The following PCDHGA4 variants were observed in gnomAD, a reference collection of about 807,000 sequenced individuals.
PCDHGA4 encodes protocadherin gamma-A4.
Under a neutral mutation model 54.6 loss-of-function variants are expected in PCDHGA4, and 38 were observed. The ratio of observed to expected loss-of-function variants is 0.70; its 90% CI spans 0.54 to 0.91. The LOEUF is 0.91. Ranked by LOEUF, PCDHGA4 falls within the 40% of genes least tolerant of loss-of-function variation. The pLI is 0.00. For missense variants in PCDHGA4, 1,298 were observed against 1,220.9 expected (o/e 1.06, Z -0.94); for synonymous variants, 511 against 512.9 (o/e 1.00, Z 0.05).
At chr5:141,392,864 C>T (rs1328545217) in intron 1 of PCDHGA4, 2 of 1,612,536 alleles carry the variant, frequency 1.2e-6, no homozygotes, top group Non-Finnish European at 1.7e-6. Context: ...TCCTGCTGTG[C>T]GCGCTGCTGG....
chr5:141,416,101 C>CT (rs34144584), intron 1 of PCDHGA4: 1 of 158,972 alleles, frequency 6.3e-6, no homozygotes, highest in Non-Finnish European at 1.4e-5. Context: ...GGCAATAGGC[C>CT]TTTTTCAAAC....
Position 141,432,136 on chromosome 5 carries a change from T to C in PCDHGA4, c.2515-62671T>C, listed in dbSNP as rs766026174. 2 of 1,613,960 alleles carry C rather than the reference T, an allele frequency of 1.2e-6. No individual in the cohort carries two copies. The highest frequency in any genetic ancestry group is 1.7e-5 in the Admixed American group (1 of 59,996). On this transcript the variant is annotated intron_variant, in intron 1 of 3. Transcript: ENST00000571252. The surrounding 1 kb of genome is among the most constrained non-coding windows in gnomAD (Gnocchi z 6.0). ...TCTTCCCTCAGGCCTCCTATTCCGC[T>C]TATATCCCAGAGAACAATCCCAGAG...
At chr5:141,383,700 C>T (rs753632881) in intron 1 of PCDHGA4, 1 of 1,613,936 alleles carries the variant, frequency 6.2e-7, no homozygotes, top group East Asian at 2.2e-5. Flanking sequence ...TACATGCTAT[C>T]GACCTGGACG....
intron 1 of PCDHGA4, among the ~76,000 whole-genome samples, chr5:141,450,335 T>A (rs1054670037): frequency 1.3e-5 from 2 of 152,158 alleles, no homozygotes; most frequent in African/African-American, 4.8e-5. Context: ...CTCTTTAATC[T>A]ACTTTAATCT....
chr5:141,386,918 A>G (rs758924740), intron 1 of PCDHGA4, among the ~76,000 whole-genome samples: 8 of 152,206 alleles, frequency 5.3e-5, no homozygotes, highest in Non-Finnish European at 1.2e-4. Context: ...CAAGGAATGT[A>G]AAATAAGTGC....
rs748951693 is a variant in PCDHGA4, at chr5:141,365,805, C to T, written c.2514+8184C>T. The T allele has an allele frequency of 3.1e-6, 5 of 1,613,942 alleles. No homozygotes were observed. The South Asian group carries it at 5.5e-5, about 18-fold the overall frequency. On this transcript the variant is annotated intron_variant, in intron 1 of 3. Coordinates refer to ENST00000571252, the MANE Select transcript of PCDHGA4 (RefSeq NM_018917.4). ...AACGCTCGAGTCACCTACTCCCTGG[C>T]TGAAGACACATTTCAGGGGGCGCCC...
intron 1 of PCDHGA4, chr5:141,391,723 C>CT (rs1366104842): frequency 6.6e-6 from 1 of 152,126 alleles, no homozygotes; most frequent in African/African-American, 2.4e-5. Flanking sequence ...GGGAAACAGA[C>CT]TTTTTTGTAG....
At chr5:141,376,660 T>G in intron 1 of PCDHGA4, 2 of 886,650 alleles carry the variant, frequency 2.3e-6, no homozygotes, top group South Asian at 3.6e-5. Flanking sequence ...GACTCCCTTG[T>G]TCAGGTGAGG....
At chr5:141,463,401 A>T (rs57406832) in intron 1 of PCDHGA4, among the ~76,000 whole-genome samples, 25,027 of 149,108 alleles carry the variant, frequency 0.17, 2,158 homozygotes, top group South Asian at 0.22. Context: ...GGCAAAAAAA[A>T]TGGAGATCCT....
chr5:141,370,737 A>T, intron 1 of PCDHGA4: 2 of 1,613,928 alleles, frequency 1.2e-6, no homozygotes, highest in Non-Finnish European at 1.7e-6. Flanking sequence ...AAAGCCTTTA[A>T]ACTTTTTTCA....
At chr5:141,360,700 C>A (rs532971055) in intron 1 of PCDHGA4, 1 of 1,613,796 alleles carries the variant, frequency 6.2e-7, no homozygotes, top group South Asian at 1.1e-5. Flanking sequence ...TCCAGATGGT[C>A]GTAAATATCC....
intron 1 of PCDHGA4, chr5:141,360,586 A>G (rs1761662791): frequency 6.2e-7 from 1 of 1,613,974 alleles, no homozygotes; most frequent in Admixed American, 1.7e-5. Flanking sequence ...GCCAGGTACA[A>G]CATTTCCACT....
chr5:141,498,713 C>T (rs1216279302), intron 2 of PCDHGA4, among the ~76,000 whole-genome samples: 1 of 152,148 alleles, frequency 6.6e-6, no homozygotes, highest in East Asian at 1.9e-4. Flanking sequence ...GGGTGGATCA[C>T]CTGAGGTCAG....
At chr5:141,441,615 G>A in intron 1 of PCDHGA4, 1 of 219,248 alleles carries the variant, frequency 4.6e-6, no homozygotes, top group Non-Finnish European at 9.2e-6. Context: ...TTCCATCGTG[G>A]CCAGTGACCT....
intron 1 of PCDHGA4, chr5:141,376,159 C>G: frequency 6.2e-7 from 1 of 1,614,084 alleles, no homozygotes; most frequent in Non-Finnish European, 8.5e-7. Context: ...TCACTCTGTA[C>G]CTGGTGGTGG....
chr5:141,448,705 C>T (rs2098601893), intron 1 of PCDHGA4, among the ~76,000 whole-genome samples: 1 of 152,100 alleles, frequency 6.6e-6, no homozygotes, highest in Non-Finnish European at 1.5e-5. Context: ...CTTTGGGAGG[C>T]CGAGGCGGGA....
chr5:141,423,706 A>C (rs1045905298), intron 1 of PCDHGA4: 1 of 1,231,762 alleles, frequency 8.1e-7, no homozygotes, highest in Admixed American at 3.4e-5. Context: ...TCTTGGCACA[A>C]GTCTTTTAAG....
chr5:141,356,222 A>G lies in PCDHGA4; in HGVS notation c.1115A>G (p.Asn372Ser), dbSNP rs759995020. 6.3e-7 allele frequency: 1 copy of G among 1,598,310 alleles called. No homozygotes were observed. The highest frequency in any genetic ancestry group is 1.1e-5 in the South Asian group (1 of 88,656). ...SKVLVTVLDE[N>S]DNAPEVTVTS... ...GTACTGGTGACAGTTCTGGATGAAA[A>G]TGACAACGCACCAGAAGTCACAGTT... Residue 372 changes from asparagine to serine, a missense_variant, in exon 1 of 4, where the codon AAT (asparagine) becomes AGT (serine). Transcript: ENST00000571252.
chr5:141,491,850 T>C lies in PCDHGA4; in HGVS notation c.2515-2957T>C. ...CCCGATTCTCGGGATCATTGGACCG[T>C]TTGCGCGAAACCAGAGTGGCCGATT... On this transcript the variant is annotated intron_variant, in intron 1 of 3. Transcript: ENST00000571252. The surrounding 1 kb of genome is among the most constrained non-coding windows in gnomAD (Gnocchi z 6.9). 6.8e-7 allele frequency: 1 copy of C among 1,460,996 alleles called. No homozygotes were observed. The highest frequency in any genetic ancestry group is 2.5e-5 in the East Asian group (1 of 40,084). The allele number at this position is 1,460,996 out of a possible 1,614,324, so 90.5% of individuals were successfully genotyped here.
Sources: allele counts gnomAD v4.1 joint callset (sites outside exome capture counted in the v4.1 genomes callset), GRCh38; gene constraint gnomAD v4.1.1; non-coding constraint Gnocchi (gnomAD v3.1); transcripts MANE v1.5; gene names NCBI Gene and HGNC (gene_info 2026-07-23, HGNC 2026-07-21).